The following DNAJB14 variants were observed in gnomAD, a reference collection of about 807,000 sequenced individuals.
The protein encoded by DNAJB14 is dnaJ homolog subfamily B member 14.
DNAJB14 carries 22 observed loss-of-function variants against 48.4 expected under a neutral mutation model. That is an observed-to-expected ratio of 0.45 (90% CI 0.32 to 0.65). The LOEUF (loss-of-function observed/expected upper bound fraction) is 0.65. DNAJB14 is among the 30% of genes least tolerant of loss of function. The probability of loss-of-function intolerance (pLI) is 0.03; values close to 1 mark genes in which losing one functional copy is unlikely to be tolerated. For missense variants in DNAJB14, 319 were observed against 458.8 expected (o/e 0.70, Z 2.78); for synonymous variants, 142 against 158.7 (o/e 0.89, Z 0.79).
At chr4:99,923,249 T>C in intron 2 of DNAJB14, 64 bp from the exon 3 acceptor site, 1 of 1,399,990 alleles carries the variant, frequency 7.1e-7, no homozygotes, top group Non-Finnish European at 9.7e-7. Context: ...ATATCTCTAA[T>C]TTTTAATTTA....
intron 2 of DNAJB14, chr4:99,930,217 A>G: frequency 5.9e-6 from 2 of 337,744 alleles, no homozygotes; most frequent in Non-Finnish European, 1.1e-5. Flanking sequence ...TCTTAAAAAA[A>G]TTATTTGGAA....
intron 5 of DNAJB14, 42 bp from the exon 6 acceptor site, chr4:99,905,748 G>A: frequency 6.4e-7 from 1 of 1,570,238 alleles, no homozygotes. Context: ...TAATATAACT[G>A]TAGTTGTTAA....
At position 99,897,573 on chromosome 4, in the gene DNAJB14, T is replaced by C. The variant is rs777702438; in HGVS notation, c.*3455A>G. ...TGTAACTAAAAATTAGAATTTAAAATGTTGGAAATTATTGCCAGACAAGTT... is the reference window on the plus strand; with the variant it reads ...TGTAACTAAAAATTAGAATTTAAAACGTTGGAAATTATTGCCAGACAAGTT... On this transcript the variant is annotated 3_prime_UTR_variant, in exon 8 of 8. Coordinates refer to ENST00000442697, the MANE Select transcript of DNAJB14 (RefSeq NM_001031723.4). The C allele has an allele frequency of 9.9e-5, 15 of 152,124 alleles. No individual in the cohort carries two copies. The highest frequency in any genetic ancestry group is 1.8e-4 in the Non-Finnish European group (12 of 67,876). The allele number at this position is 152,124 out of a possible 1,614,324, so 9.4% of individuals were successfully genotyped here.
At chr4:99,903,546 T>G (rs762592320) in intron 7 of DNAJB14, among the ~76,000 whole-genome samples, 180 bp downstream of exon 7, 11 of 152,152 alleles carry the variant, frequency 7.2e-5, no homozygotes, top group Non-Finnish European at 1.5e-4. Context: ...ATTAAGTCCT[T>G]ACTATGTGTC....
chr4:99,936,059 A>T (rs1726663156), intron 1 of DNAJB14, among the ~76,000 whole-genome samples: 1 of 151,230 alleles, frequency 6.6e-6, no homozygotes, highest in Admixed American at 6.6e-5. Context: ...CACAGACTGT[A>T]TCAAAAAATA....
chr4:99,941,353 A>G (rs1414877331), intron 1 of DNAJB14, among the ~76,000 whole-genome samples: 1 of 152,230 alleles, frequency 6.6e-6, no homozygotes, highest in African/African-American at 2.4e-5. Flanking sequence ...TAAAGCAATT[A>G]TCTTATGCTC....
chr4:99,924,661 G>T, intron 2 of DNAJB14: 1 of 1,497,048 alleles, frequency 6.7e-7, no homozygotes, highest in South Asian at 1.2e-5. Flanking sequence ...AACAAAAAAA[G>T]AGAATGATCC....
chr4:99,940,063 A>C (rs1316078384), intron 1 of DNAJB14, among the ~76,000 whole-genome samples: 1 of 152,216 alleles, frequency 6.6e-6, no homozygotes, highest in Non-Finnish European at 1.5e-5. Flanking sequence ...TCCATATTAA[A>C]GACCAATGAA....
At chr4:99,917,531 C>T (rs998804556) in intron 3 of DNAJB14, among the ~76,000 whole-genome samples, 3 of 152,216 alleles carry the variant, frequency 2.0e-5, no homozygotes, top group African/African-American at 7.2e-5. Flanking sequence ...TAGGTTTCAA[C>T]ATATGAACTT....
chr4:99,902,404 G>A lies in DNAJB14; in HGVS notation c.1016-1252C>T, dbSNP rs189167300. Among the ~76,000 whole-genome samples the A allele has an allele frequency of 3.4e-4, 51 of 152,176 alleles. No homozygotes were observed. In the East Asian group the frequency reaches 6.2e-3, roughly 19 times the overall value. On this transcript the variant is annotated intron_variant, in intron 7 of 7. Coordinates refer to ENST00000442697, the MANE Select transcript of DNAJB14 (RefSeq NM_001031723.4). The stretch of plus-strand genomic sequence containing the variant: ...TCTAGGGATGGGTGGGGTGGGGGAA[G>A]GGTGGCAACTCACTCCCAGCTGAAA...
At chr4:99,941,746 T>C (rs1051704932) in intron 1 of DNAJB14, among the ~76,000 whole-genome samples, 4 of 152,110 alleles carry the variant, frequency 2.6e-5, no homozygotes, top group Admixed American at 6.5e-5. Flanking sequence ...GATGAGGAAA[T>C]TGAGGTTCGG....
chr4:99,939,574 C>G (rs1726817176), intron 1 of DNAJB14, among the ~76,000 whole-genome samples: 2 of 152,138 alleles, frequency 1.3e-5, no homozygotes, highest in African/African-American at 4.8e-5. Flanking sequence ...AGATTTTTGG[C>G]AGTTACTATG....
At position 99,946,568 on chromosome 4, in the gene DNAJB14, C is replaced by T. The variant is rs139791253; in HGVS notation, c.4G>A (p.Glu2Lys). The T allele has an allele frequency of 3.7e-6, 6 of 1,613,368 alleles. No individual in the cohort carries two copies. Among genetic ancestry groups the T allele is most frequent in the African/African-American group, 2.7e-5 (2 of 74,864 alleles). Residue 2 changes from glutamate (E) to lysine (K), a missense_variant, in exon 1 of 8, where the codon GAG becomes AAG. Glu to Lys is a moderately conservative substitution (Grantham distance 56). Around this residue, in one of 3 missense-constraint regions of DNAJB14, gnomAD observed 116 missense variants for 134.6 expected, o/e 0.86. Transcript: ENST00000442697. MEGNRDEAEKCV... is the reference protein window; with the variant it reads MKGNRDEAEKCV... ...TTCTCAGCCTCATCCCTGTTCCCCT[C>T]CATAGCTTGCTCCTTCTTCCGTTTC...
At chr4:99,934,784 T>A (rs780584525) in intron 1 of DNAJB14, among the ~76,000 whole-genome samples, 23 of 52,100 alleles carry the variant, frequency 4.4e-4, no homozygotes, top group Non-Finnish European at 6.2e-4. Flanking sequence ...AGAGCAAGAC[T>A]GTCTCAAAAA....
intron 4 of DNAJB14, 27 bp downstream of exon 4, chr4:99,908,684 A>C: frequency 6.7e-7 from 1 of 1,496,436 alleles, no homozygotes; most frequent in Non-Finnish European, 9.0e-7. Context: ...TTCATAAAAT[A>C]TAATATCTAT....
Position 99,899,769 on chromosome 4 carries a change from G to A in DNAJB14, c.*1259C>T, listed in dbSNP as rs566707034. On this transcript the variant is annotated 3_prime_UTR_variant, in exon 8 of 8. Transcript: ENST00000442697. The stretch of plus-strand genomic sequence containing the variant: ...TAGAAATCAAATAGTTTCATATCCA[G>A]TATACAGGCATCAAAAACTTCAATT... 15 of 151,402 alleles carry A rather than the reference G, an allele frequency of 9.9e-5. No individual in the cohort carries two copies. In the East Asian group the frequency reaches 2.7e-3, roughly 27 times the overall value. The allele number at this position is 151,402 out of a possible 1,614,324, so 9.4% of individuals were successfully genotyped here.
Position 99,904,201 on chromosome 4 carries a change from T to G in DNAJB14, c.843-303A>C, listed in dbSNP as rs575687799. ...TGTAGTTGTTTGTCGTTGCTATTGTTTAACAGCTGACACGGGTATTCTGGT... is the reference window on the plus strand; with the variant it reads ...TGTAGTTGTTTGTCGTTGCTATTGTGTAACAGCTGACACGGGTATTCTGGT... On this transcript the variant is annotated intron_variant, in intron 6 of 7. Transcript: ENST00000442697. 3.9e-5 allele frequency among the ~76,000 whole-genome samples: 6 copies of G among 152,286 alleles called. 1 individual carries two copies. The East Asian group carries it at 7.7e-4, about 20-fold the overall frequency.
At chr4:99,940,498 A>G (rs1726851735) in intron 1 of DNAJB14, among the ~76,000 whole-genome samples, 1 of 152,174 alleles carries the variant, frequency 6.6e-6, no homozygotes, top group Non-Finnish European at 1.5e-5. Context: ...GGCTGAGGCA[A>G]GATAATCGCT....
chr4:99,923,220 C>G, intron 2 of DNAJB14, 35 bp from the exon 3 acceptor site: 1 of 1,559,750 alleles, frequency 6.4e-7, no homozygotes, highest in Non-Finnish European at 8.7e-7. Context: ...ATGTAAATTT[C>G]AAGGAAGACG....
Sources: gnomAD v4.1 joint callset for allele counts (sites outside exome capture counted in the v4.1 genomes callset) on GRCh38, gnomAD v4.1.1 for gene constraint, gnomAD v4.1.1 regional missense constraint, MANE v1.5 for transcripts, NCBI Gene and HGNC (gene_info 2026-07-23, HGNC 2026-07-21) for gene names.